The following BIN3 variants were observed in gnomAD, a reference collection of about 807,000 sequenced individuals.
BIN3 encodes bridging integrator 3.
BIN3 carries 41 observed loss-of-function variants against 38.2 expected under a neutral mutation model. The observed-to-expected ratio is 1.07, with a 90% CI of 0.84 to 1.39. The LOEUF is 1.39. Ranked by LOEUF, BIN3 falls within the 40% of genes most tolerant of loss-of-function variation. The pLI is 0.00. For missense variants in BIN3, 361 were observed against 324.3 expected, an observed-to-expected ratio of 1.11 and a Z score of -0.87; for synonymous variants, 145 against 122.6, an observed-to-expected ratio of 1.18 and a Z score of -1.21.
chr8:22,640,817 T>TG (rs112895474), intron 2 of BIN3, among the ~76,000 whole-genome samples: 7,705 of 152,154 alleles, frequency 0.051, 625 homozygotes, highest in African/African-American at 0.17. Context: ...TCAGCTAGGT[T>TG]GATCATCCTG....
At chr8:22,635,662 C>T (rs1007526394) in intron 4 of BIN3, among the ~76,000 whole-genome samples, 1 of 152,128 alleles carries the variant, frequency 6.6e-6, no homozygotes, top group African/African-American at 2.4e-5. Flanking sequence ...CTCGGATTGG[C>T]GTTACCTGTG....
chr8:22,622,142 G>T (rs1396375265), intron 8 of BIN3, among the ~76,000 whole-genome samples: 3 of 152,252 alleles, frequency 2.0e-5, no homozygotes, highest in Admixed American at 6.5e-5. Flanking sequence ...AATGGTGTGG[G>T]AGGGGACACA....
chr8:22,648,455 C>A (rs1376426682), intron 1 of BIN3, among the ~76,000 whole-genome samples: 4 of 151,888 alleles, frequency 2.6e-5, no homozygotes, highest in African/African-American at 9.7e-5. Context: ...AAGTGCTGGT[C>A]AGGCATTTTA....
At chr8:22,657,976 C>T (rs1040315716) in intron 1 of BIN3, among the ~76,000 whole-genome samples, 136 of 152,338 alleles carry the variant, frequency 8.9e-4, no homozygotes, top group African/African-American at 3.1e-3. Context: ...CTTCGGGACT[C>T]TCCTCCCTCC....
At chr8:22,665,839 G>C (rs1417653791) in intron 1 of BIN3, among the ~76,000 whole-genome samples, 3 of 152,238 alleles carry the variant, frequency 2.0e-5, no homozygotes, top group African/African-American at 7.2e-5. Flanking sequence ...AAAGTGTGAA[G>C]GGCAGACAGA....
At chr8:22,627,675 C>T (rs1441762774) in intron 6 of BIN3, among the ~76,000 whole-genome samples, 1 of 152,256 alleles carries the variant, frequency 6.6e-6, no homozygotes, top group Non-Finnish European at 1.5e-5. Context: ...CCCTGCCCAC[C>T]TCAGCCCACC....
Position 22,636,546 on chromosome 8 carries a change from T to C in BIN3, c.139A>G (p.Lys47Glu). 1.3e-6 allele frequency: 2 copies of C among 1,552,840 alleles called. No individual in the cohort carries two copies. The highest frequency in any genetic ancestry group is 1.7e-6 in the Non-Finnish European group (2 of 1,147,718). ...CTACCCAGGTCTGCGTCGGTGCTCT[T>C]CTTCATGTCTTTCTGCAGCCTCCGG... ...QTRRLQKDMK[K>E]STDADLAMSK... Residue 47 changes from lysine (K) to glutamate (E), a missense_variant, in exon 4 of 9, where the codon AAG becomes GAG. Coordinates refer to ENST00000276416, the MANE Select transcript of BIN3 (RefSeq NM_018688.6).
chr8:22,654,072 A>T (rs1399579565), intron 1 of BIN3, among the ~76,000 whole-genome samples: 1 of 152,158 alleles, frequency 6.6e-6, no homozygotes, highest in Non-Finnish European at 1.5e-5. Flanking sequence ...CCAACTCCCA[A>T]ACCTTTGAGA....
At chr8:22,628,653 C>A (rs1802081754) in intron 6 of BIN3, among the ~76,000 whole-genome samples, 1 of 152,222 alleles carries the variant, frequency 6.6e-6, no homozygotes, top group Non-Finnish European at 1.5e-5. Flanking sequence ...GATACTGAAA[C>A]TGAGGTGGGA....
intron 3 of BIN3, 22 bp from the exon 4 acceptor site, chr8:22,636,608 G>C: frequency 1.3e-6 from 2 of 1,550,858 alleles, no homozygotes; most frequent in Non-Finnish European, 1.7e-6. Flanking sequence ...GGGACGGGCT[G>C]CTTGGGGTCC....
At chr8:22,634,625 C>T (rs1049567257) in intron 4 of BIN3, 1 of 438,078 alleles carries the variant, frequency 2.3e-6, no homozygotes, top group Non-Finnish European at 4.6e-6. Flanking sequence ...CACTGGTCCT[C>T]AAGTCCCACC....
At chr8:22,663,540 A>G (rs1803312157) in intron 1 of BIN3, among the ~76,000 whole-genome samples, 1 of 152,056 alleles carries the variant, frequency 6.6e-6, no homozygotes, top group Non-Finnish European at 1.5e-5. Flanking sequence ...TGCCAAAATA[A>G]TCTGACTAAA....
At chr8:22,636,802 G>C (rs1331033531) in intron 3 of BIN3, 120 bp downstream of exon 3, 16 of 1,185,716 alleles carry the variant, frequency 1.3e-5, no homozygotes, top group Non-Finnish European at 1.9e-5. Context: ...CTGGTGACCT[G>C]AGCTGCCCTC....
chr8:22,623,251 C>T (rs556066239), intron 8 of BIN3, among the ~76,000 whole-genome samples: 1 of 152,296 alleles, frequency 6.6e-6, no homozygotes, highest in South Asian at 2.1e-4. Context: ...ACAATCCTTC[C>T]TAAAGGCTTG....
intron 6 of BIN3, chr8:22,625,149 G>A (rs912572608): frequency 5.1e-6 from 3 of 586,110 alleles, no homozygotes; most frequent in Non-Finnish European, 9.2e-6. Flanking sequence ...GTGGCCCTCA[G>A]AGAGAGCAGC....
At chr8:22,630,196 G>C (rs547927718) in intron 5 of BIN3, among the ~76,000 whole-genome samples, 192 bp from the exon 6 acceptor site, 1 of 152,248 alleles carries the variant, frequency 6.6e-6, no homozygotes, top group Non-Finnish European at 1.5e-5. Context: ...GGGGTGAACA[G>C]GACTGCCGCC....
At chr8:22,636,985 A>G (rs1205872594) in intron 2 of BIN3, 23 bp from the exon 3 acceptor site, 1 of 1,609,486 alleles carries the variant, frequency 6.2e-7, no homozygotes, top group Admixed American at 1.7e-5. Context: ...AGATAACTCA[A>G]TTATCGGAGA....
chr8:22,667,611 C>A (rs144170987), intron 1 of BIN3, among the ~76,000 whole-genome samples: 34 of 152,324 alleles, frequency 2.2e-4, no homozygotes, highest in African/African-American at 8.2e-4. Flanking sequence ...TGAAGAATTG[C>A]CGCTTTGCCC....
intron 1 of BIN3, among the ~76,000 whole-genome samples, chr8:22,645,521 G>T (rs758219472): frequency 6.6e-6 from 1 of 151,608 alleles, no homozygotes; most frequent in Non-Finnish European, 1.5e-5. Flanking sequence ...GAAGAAAGGG[G>T]AAGGGGAGGG....
Sources: allele counts gnomAD v4.1 joint callset (sites outside exome capture counted in the v4.1 genomes callset), GRCh38; gene constraint gnomAD v4.1.1; transcripts MANE v1.5; gene names NCBI Gene and HGNC (gene_info 2026-07-23, HGNC 2026-07-21).